SYNE2: variants seen among roughly 807,000 people sequenced by gnomAD.
The protein encoded by SYNE2 is spectrin repeat containing nuclear envelope protein 2.
A neutral mutation model predicts 856.3 loss-of-function variants in SYNE2; 431 were observed. The observed-to-expected ratio is 0.50, with a 90% CI of 0.47 to 0.55. The LOEUF (loss-of-function observed/expected upper bound fraction) is 0.55. SYNE2 is among the 20% of genes least tolerant of loss of function. The pLI is 0.00. For synonymous variants in SYNE2, 2,923 were observed against 2,872.3 expected (o/e 1.02, Z -0.56); for missense variants, 8,129 against 8,023.2 (o/e 1.01, Z -0.50).
chr14:64,171,804 C>T (rs1313233860), intron 94 of SYNE2, among the ~76,000 whole-genome samples: 2 of 152,054 alleles, frequency 1.3e-5, no homozygotes, highest in Non-Finnish European at 2.9e-5. Context: ...AACCAGGGAG[C>T]CTTTGAAGCA....
chr14:63,908,530 G>GA (rs2095435634), intron 1 of SYNE2, among the ~76,000 whole-genome samples: 2 of 152,174 alleles, frequency 1.3e-5, no homozygotes, highest in Admixed American at 6.5e-5. Context: ...ATGTGTAGGT[G>GA]AAAAAATAAG....
At chr14:63,888,553 C>T (rs919226634) in intron 1 of SYNE2, among the ~76,000 whole-genome samples, 2 of 152,208 alleles carry the variant, frequency 1.3e-5, no homozygotes, top group African/African-American at 4.8e-5. Context: ...AGAGCTAAAG[C>T]ACAGTGGTGA....
chr14:63,809,974 G>A (rs1485095101), intron 1 of SYNE2, among the ~76,000 whole-genome samples: 1 of 152,140 alleles, frequency 6.6e-6, no homozygotes, highest in Non-Finnish European at 1.5e-5. Context: ...TATAATCCCA[G>A]CACTTTGGGA....
At chr14:63,804,650 T>G (rs1253481995) in intron 1 of SYNE2, among the ~76,000 whole-genome samples, 1 of 152,084 alleles carries the variant, frequency 6.6e-6, no homozygotes, top group African/African-American at 2.4e-5. Context: ...TGTGCCACCA[T>G]GCCCAGCTAA....
intron 45 of SYNE2, among the ~76,000 whole-genome samples, chr14:64,041,698 A>G (rs1022374208): frequency 6.6e-6 from 1 of 151,930 alleles, no homozygotes; most frequent in African/African-American, 2.4e-5. Flanking sequence ...AAAATTTTTT[A>G]AATTAGTTGG....
chr14:64,028,863 A>C (rs916211993), intron 43 of SYNE2, among the ~76,000 whole-genome samples: 5 of 152,140 alleles, frequency 3.3e-5, no homozygotes, highest in Non-Finnish European at 5.9e-5. Context: ...CAGGCTGGGC[A>C]CGGTGGCTCA....
At chr14:63,898,624 C>T (rs564563145) in intron 1 of SYNE2, among the ~76,000 whole-genome samples, 1 of 151,902 alleles carries the variant, frequency 6.6e-6, no homozygotes, top group Non-Finnish European at 1.5e-5. Flanking sequence ...AGGCTGGTCT[C>T]GAACTCCTGG....
chr14:63,870,169 C>G (rs1259703125), intron 1 of SYNE2, among the ~76,000 whole-genome samples: 5 of 152,186 alleles, frequency 3.3e-5, no homozygotes, highest in Non-Finnish European at 7.4e-5. Context: ...CCAGCCTTCT[C>G]TCCCACCACA....
Position 64,081,596 on chromosome 14 carries a change from G to T in SYNE2, c.11484+16G>T. On this transcript the variant is annotated intron_variant, in intron 57 of 115. Transcript: ENST00000555002. The stretch of plus-strand genomic sequence containing the variant: ...CACTGTGCAGGTAAGTGTTCTTCCA[G>T]GTTTTCTGCCACTCATAGCATCTAC... 6.2e-7 allele frequency: 1 copy of T among 1,613,580 alleles called. No homozygotes were observed. The highest frequency in any genetic ancestry group is 1.3e-5 in the African/African-American group (1 of 75,024).
At chr14:63,911,348 T>C (rs1193524723) in intron 2 of SYNE2, among the ~76,000 whole-genome samples, 1 of 152,230 alleles carries the variant, frequency 6.6e-6, no homozygotes, top group Non-Finnish European at 1.5e-5. Flanking sequence ...CCCTCCTCTG[T>C]TCTCCCGTAG....
At chr14:63,877,132 C>T (rs569461496) in intron 1 of SYNE2, among the ~76,000 whole-genome samples, 41 of 152,160 alleles carry the variant, frequency 2.7e-4, no homozygotes, top group East Asian at 5.8e-4. Context: ...CAGCCACTTT[C>T]GTTAATAAAT....
chr14:63,767,061 A>C (rs1886711672), intron 1 of SYNE2, among the ~76,000 whole-genome samples: 1 of 152,168 alleles, frequency 6.6e-6, no homozygotes, highest in South Asian at 2.1e-4. Context: ...AAATATGCCA[A>C]AATGGCAGGG....
Position 63,963,978 on chromosome 14 carries a change from A to G in SYNE2, c.968A>G (p.Asp323Gly). ...LQKLLKDSENDTYFKKYNSLL... is the reference protein window; with the variant it reads ...LQKLLKDSENGTYFKKYNSLL... ...AAGTTGCTAAAGGATTCAGAGAATG[A>G]TACCTACTTTAAAAAGTATAATGTA... The change falls in exon 10 of 116, where the codon GAT becomes GGT. Residue 323 changes from aspartate to glycine, a missense_variant. Asp to Gly is a moderately conservative substitution (Grantham distance 94). Coordinates refer to ENST00000555002, the MANE Select transcript of SYNE2 (RefSeq NM_182914.3). 6.2e-7 allele frequency: 1 copy of G among 1,604,060 alleles called. No individual in the cohort carries two copies. Among genetic ancestry groups the G allele is most frequent in the Non-Finnish European group, 8.5e-7 (1 of 1,171,274 alleles).
rs766896316 is a variant in SYNE2 at position 64,122,314 on chromosome 14, G to C, written c.13309G>C (p.Val4437Leu). The change falls in exon 70 of 116, where the codon GTT (valine) becomes CTT (leucine). Residue 4437 changes from valine (V) to leucine (L), a missense_variant. Around this residue, in one of 3 missense-constraint regions of SYNE2, gnomAD observed 5,410 missense variants for 5,284.8 expected, o/e 1.02. Coordinates refer to ENST00000555002, the MANE Select transcript of SYNE2 (RefSeq NM_182914.3). ...SNQASSPENDVPDSILSPQGQ... is the reference protein window; with the variant it reads ...SNQASSPENDLPDSILSPQGQ... ...CCAGGCATCCAGCCCTGAAAATGAC[G>C]TTCCAGACTCGATCTTGTCACCCCA... is the stretch of plus-strand genomic sequence containing the variant. 32 of 1,613,980 alleles carry C rather than the reference G, an allele frequency of 2.0e-5. No homozygotes were observed. In the South Asian group the frequency reaches 3.4e-4, roughly 17 times the overall value.
In SYNE2 at chr14:64,034,672, G is replaced by T. The variant is rs567412137; in HGVS notation, c.7221+3315G>T. On this transcript the variant is annotated intron_variant, in intron 45 of 115. Transcript: ENST00000555002. ...TCAGGCAGACCTAGAAACAAAAGAA[G>T]TTGCAAAATTCAGTATGACAGGTAT... is the stretch of plus-strand genomic sequence containing the variant. The T allele has an allele frequency of 3.6e-5, 16 of 445,702 alleles. 1 individual carries two copies. In the South Asian group the frequency reaches 9.2e-4, roughly 26 times the overall value. The allele number at this position is 445,702 out of a possible 1,614,324, so 27.6% of individuals were successfully genotyped here. A position where few individuals can be genotyped will look rare whatever the true frequency, so the allele number is the denominator to read the frequency against.
At chr14:63,982,560 A>T in intron 16 of SYNE2, 70 bp from the exon 17 acceptor site, 2 of 1,448,202 alleles carry the variant, frequency 1.4e-6, no homozygotes, top group Non-Finnish European at 1.9e-6. Context: ...GCCTTGGTGA[A>T]CATTGATTAT....
intron 37 of SYNE2, 122 bp downstream of exon 37, chr14:64,022,150 A>G (rs1464581916): frequency 1.1e-6 from 1 of 909,244 alleles, no homozygotes; most frequent in African/African-American, 1.7e-5. Flanking sequence ...CATTCAAGGA[A>G]ATAATAATCA....
In SYNE2 at chr14:64,105,635, G is replaced by A. The variant is rs149492337; in HGVS notation, c.12493-1856G>A. The stretch of plus-strand genomic sequence containing the variant: ...ATAATATCCACATGCTTTCTGTCAC[G>A]TTGTGTTAATTCTTTGTGTACATGT... On this transcript the variant is annotated intron_variant, in intron 64 of 115. Coordinates refer to ENST00000555002, the MANE Select transcript of SYNE2 (RefSeq NM_182914.3). Among the ~76,000 whole-genome samples the A allele has an allele frequency of 4.0e-3, 615 of 152,268 alleles. 2 individuals are homozygous for A. The highest frequency in any genetic ancestry group is 0.024 in the Middle Eastern group (7 of 294).
intron 51 of SYNE2, among the ~76,000 whole-genome samples, chr14:64,070,089 G>A (rs1422752332): frequency 6.6e-6 from 1 of 152,198 alleles, no homozygotes; most frequent in Non-Finnish European, 1.5e-5. Flanking sequence ...GATATGTGAT[G>A]TAATAGGTTA....
Sources: gnomAD v4.1 joint callset for allele counts (sites outside exome capture counted in the v4.1 genomes callset) on GRCh38, gnomAD v4.1.1 for gene constraint, gnomAD v4.1.1 regional missense constraint, MANE v1.5 for transcripts, NCBI Gene and HGNC (gene_info 2026-07-23, HGNC 2026-07-21) for gene names.